The following PEX5L variants were observed in gnomAD, a reference collection of about 807,000 sequenced individuals.
The protein encoded by PEX5L is PEX5-related protein.
In PEX5L, 30 loss-of-function variants were observed where a neutral mutation model predicts 84.0. The ratio of observed to expected loss-of-function variants is 0.36; its 90% CI spans 0.27 to 0.48. The LOEUF (loss-of-function observed/expected upper bound fraction) is 0.48, where lower values mean the gene tolerates loss of function less well. Ranked by LOEUF, PEX5L falls within the 20% of genes least tolerant of loss-of-function variation. The probability of loss-of-function intolerance (pLI) is 0.99; values close to 1 mark genes in which losing one functional copy is unlikely to be tolerated. For missense variants in PEX5L, 533 were observed against 754.6 expected, an observed-to-expected ratio of 0.71 and a Z score of 3.44; for synonymous variants, 270 against 283.1, an observed-to-expected ratio of 0.95 and a Z score of 0.46.
intron 2 of PEX5L, among the ~76,000 whole-genome samples, chr3:179,918,393 T>C (rs903520452): frequency 6.6e-6 from 1 of 152,244 alleles, no homozygotes; most frequent in Non-Finnish European, 1.5e-5. Flanking sequence ...TGGGGATAGG[T>C]ACGTCTGACT....
Position 179,797,605 on chromosome 3 carries a change from A to AAAAATATATATAT in PEX5L, c.*4222_*4223insATATATATATTTT, listed in dbSNP as rs1553807980. 7.9e-5 allele frequency: 7 copies of AAAAATATATATAT among 89,158 alleles called. No individual in the cohort carries two copies. The highest frequency in any genetic ancestry group is 2.7e-4 in the African/African-American group (6 of 22,216). 5.5% of individuals were successfully genotyped at this position (89,158 alleles called of 1,614,324 possible). ...AACACTCTTTAAAAAAAAAAAAAAAAATATATATATATATATATATATATA... is the reference window on the plus strand; with the variant it reads ...AACACTCTTTAAAAAAAAAAAAAAAAAAAATATATATATATATATATATATATATATATATATA... On this transcript the variant is annotated 3_prime_UTR_variant, in exon 15 of 15. Transcript: ENST00000467460.
intron 8 of PEX5L, among the ~76,000 whole-genome samples, chr3:179,839,447 C>T (rs1044253102): frequency 6.6e-6 from 1 of 152,150 alleles, no homozygotes; most frequent in African/African-American, 2.4e-5. Flanking sequence ...AAATAATAAA[C>T]ATTGTCACTT....
intron 4 of PEX5L, among the ~76,000 whole-genome samples, chr3:179,882,941 T>TA (rs1560526250): frequency 6.6e-6 from 1 of 151,810 alleles, no homozygotes; most frequent in East Asian, 1.9e-4. Flanking sequence ...TTAAAAAAAT[T>TA]AAAAAAAATT....
chr3:179,891,042 C>T (rs1333393658), intron 3 of PEX5L, among the ~76,000 whole-genome samples: 2 of 151,254 alleles, frequency 1.3e-5, no homozygotes, highest in Non-Finnish European at 2.9e-5. Flanking sequence ...CACACTAGCA[C>T]TCTCAGATTT....
chr3:179,823,057 T>C (rs1217248277), intron 8 of PEX5L, among the ~76,000 whole-genome samples: 1 of 152,222 alleles, frequency 6.6e-6, no homozygotes, highest in Non-Finnish European at 1.5e-5. Context: ...ATAAAGTTCA[T>C]GGTAGGTGCT....
intron 9 of PEX5L, 64 bp downstream of exon 9, chr3:179,819,796 T>A: frequency 7.2e-7 from 1 of 1,387,860 alleles, no homozygotes; most frequent in South Asian, 1.2e-5. Flanking sequence ...TTGACTAATC[T>A]ATAAAATATG....
intron 1 of PEX5L, among the ~76,000 whole-genome samples, chr3:180,027,146 G>A (rs768381474): frequency 3.9e-4 from 59 of 152,090 alleles, no homozygotes; most frequent in Non-Finnish European, 7.8e-4. Context: ...GGGTAGTTGC[G>A]GAACCAGTGT....
intron 8 of PEX5L, among the ~76,000 whole-genome samples, chr3:179,850,624 T>C (rs1340807300): frequency 2.6e-5 from 4 of 152,236 alleles, no homozygotes; most frequent in African/African-American, 4.8e-5. Context: ...ATGATTTATC[T>C]ACATTTGACT....
chr3:179,965,713 GA>G (rs1783163484), intron 2 of PEX5L, among the ~76,000 whole-genome samples: 1 of 152,060 alleles, frequency 6.6e-6, no homozygotes, highest in Non-Finnish European at 1.5e-5. Flanking sequence ...TGAAATGCAT[GA>G]AGCTAAACAA....
chr3:179,835,307 T>C (rs894917628), intron 8 of PEX5L, among the ~76,000 whole-genome samples: 15 of 152,092 alleles, frequency 9.9e-5, no homozygotes, highest in Non-Finnish European at 2.2e-4. Context: ...GTTTGGAAAA[T>C]ATTTCTGTAA....
chr3:179,950,770 G>T (rs77294036), intron 2 of PEX5L, among the ~76,000 whole-genome samples: 38 of 152,180 alleles, frequency 2.5e-4, no homozygotes, highest in Admixed American at 2.5e-3. Context: ...GTCCCAAGAG[G>T]TCAAAGCAAG....
intron 2 of PEX5L, among the ~76,000 whole-genome samples, chr3:179,916,929 T>A (rs187570822): frequency 6.6e-6 from 1 of 151,504 alleles, no homozygotes; most frequent in Non-Finnish European, 1.5e-5. Context: ...CTCGGCCTCC[T>A]AAAGTGCTGG....
At chr3:179,956,002 C>G (rs1208596284) in intron 2 of PEX5L, among the ~76,000 whole-genome samples, 2 of 152,216 alleles carry the variant, frequency 1.3e-5, no homozygotes, top group East Asian at 3.9e-4. Context: ...TTAGTGGCTT[C>G]CTTACAGACG....
intron 8 of PEX5L, among the ~76,000 whole-genome samples, chr3:179,840,164 TG>T (rs1560319374): frequency 3.2e-4 from 35 of 108,606 alleles, no homozygotes; most frequent in African/African-American, 1.2e-3. Flanking sequence ...TTGTTTTTTG[TG>T]TGTGTGTGTG....
intron 2 of PEX5L, among the ~76,000 whole-genome samples, chr3:179,947,013 T>C (rs971817032): frequency 6.6e-6 from 1 of 152,190 alleles, no homozygotes; most frequent in African/African-American, 2.4e-5. Context: ...GGTTTCATAG[T>C]ATATGAAACA....
intron 1 of PEX5L, among the ~76,000 whole-genome samples, chr3:179,972,064 T>C (rs1321449379): frequency 6.6e-6 from 1 of 152,148 alleles, no homozygotes; most frequent in African/African-American, 2.4e-5. Context: ...CTATTCAATG[T>C]TTTGTTTTAA....
chr3:179,866,763 G>A (rs1473738898), intron 7 of PEX5L, among the ~76,000 whole-genome samples: 10 of 151,838 alleles, frequency 6.6e-5, no homozygotes, highest in Admixed American at 5.9e-4. Context: ...GGTGGCTCAC[G>A]CCTGTAATCC....
intron 1 of PEX5L, among the ~76,000 whole-genome samples, chr3:179,994,435 T>G (rs749570321): frequency 2.0e-5 from 3 of 152,206 alleles, no homozygotes; most frequent in Non-Finnish European, 4.4e-5. Context: ...GCCTCTTTGT[T>G]ACCCCTCCAT....
rs77439092 is a variant in PEX5L, at chr3:179,859,437, T to C, written c.727-280A>G. 3.7e-3 allele frequency among the ~76,000 whole-genome samples: 561 copies of C among 152,332 alleles called. 5 individuals are homozygous for C. Among genetic ancestry groups the C allele is most frequent in the East Asian group, 0.027 (141 of 5,184 alleles). ...TCATCTCCCAAAGATCTTATTTTAA[T>C]TGGTCTCGATTCCAGGCCTTGATAT... On this transcript the variant is annotated intron_variant, in intron 7 of 14. Coordinates refer to ENST00000467460, the MANE Select transcript of PEX5L (RefSeq NM_016559.3).
Sources: gnomAD v4.1 joint callset for allele counts (sites outside exome capture counted in the v4.1 genomes callset) on GRCh38, gnomAD v4.1.1 for gene constraint, MANE v1.5 for transcripts, NCBI Gene and HGNC (gene_info 2026-07-23, HGNC 2026-07-21) for gene names.